The following ZPBP variants were observed in gnomAD, a reference collection of about 807,000 sequenced individuals.
ZPBP encodes the protein zona pellucida-binding protein 1.
In ZPBP, 26 loss-of-function variants were observed where a neutral mutation model predicts 44.8. That is an observed-to-expected ratio of 0.58 (90% confidence interval 0.43 to 0.81). The LOEUF (loss-of-function observed/expected upper bound fraction) is 0.81, where lower values mean the gene tolerates loss of function less well. Ranked by LOEUF, ZPBP falls within the 30% of genes least tolerant of loss-of-function variation. The pLI is 0.00. For missense variants in ZPBP, 409 were observed against 434.0 expected, an observed-to-expected ratio of 0.94 and a Z score of 0.51; for synonymous variants, 174 against 153.2, an observed-to-expected ratio of 1.14 and a Z score of -1.00.
intron 2 of ZPBP, among the ~76,000 whole-genome samples, chr7:49,880,188 G>C (rs1017118116): frequency 2.6e-5 from 4 of 152,118 alleles, no homozygotes; most frequent in Admixed American, 6.6e-5. Flanking sequence ...TTTTATCAGT[G>C]TCTTTTTTAC....
chr7:50,008,154 T>A (rs1002270071), intron 6 of ZPBP, among the ~76,000 whole-genome samples: 1 of 152,048 alleles, frequency 6.6e-6, no homozygotes, highest in Non-Finnish European at 1.5e-5. Flanking sequence ...ATAACAACAC[T>A]GCAATAAATG....
intron 2 of ZPBP, among the ~76,000 whole-genome samples, chr7:49,895,078 C>T (rs1270208659): frequency 3.3e-5 from 5 of 152,202 alleles, no homozygotes; most frequent in Admixed American, 3.3e-4. Context: ...TTATAAACAT[C>T]AGAAATGTAT....
intron 7 of ZPBP, among the ~76,000 whole-genome samples, chr7:49,982,209 A>ATT (rs369441808): frequency 3.6e-5 from 3 of 82,968 alleles, no homozygotes; most frequent in South Asian, 3.2e-4. Context: ...TATTATATAT[A>ATT]TATATAATGT....
intron 1 of ZPBP, among the ~76,000 whole-genome samples, chr7:49,931,577 T>C (rs942676004): frequency 6.6e-6 from 1 of 152,186 alleles, no homozygotes; most frequent in Non-Finnish European, 1.5e-5. Context: ...GGAAGAACCT[T>C]CTAAGCAGAA....
At chr7:49,978,074 G>T (rs572373629) in intron 7 of ZPBP, among the ~76,000 whole-genome samples, 3,453 of 119,170 alleles carry the variant, frequency 0.029, 60 homozygotes, top group Non-Finnish European at 0.042. Flanking sequence ...TTTGTTTTTG[G>T]TTTTTTGTTT....
chr7:49,976,178 ACATAAAG>A (rs1796507205), intron 7 of ZPBP, among the ~76,000 whole-genome samples: 1 of 152,202 alleles, frequency 6.6e-6, no homozygotes, highest in Non-Finnish European at 1.5e-5. Context: ...TATTTTAAGC[ACATAAAG>A]CATTATATAT....
At chr7:50,070,408 C>A (rs1801777409) in intron 3 of ZPBP, among the ~76,000 whole-genome samples, 1 of 152,192 alleles carries the variant, frequency 6.6e-6, no homozygotes, top group South Asian at 2.1e-4. Flanking sequence ...AGCCCCGTAC[C>A]TGGTTCTGCT....
At chr7:50,069,420 C>T (rs1332599179) in intron 3 of ZPBP, among the ~76,000 whole-genome samples, 5 of 152,262 alleles carry the variant, frequency 3.3e-5, no homozygotes, top group Middle Eastern at 3.4e-3. Flanking sequence ...GAGCTGCAAG[C>T]ATTTTACAAT....
At chr7:49,978,342 A>G (rs184424818) in intron 7 of ZPBP, among the ~76,000 whole-genome samples, 39 of 152,054 alleles carry the variant, frequency 2.6e-4, no homozygotes, top group African/African-American at 8.4e-4. Context: ...AATGTTGTAC[A>G]TTATAAGGAA....
At chr7:49,970,998 T>C (rs985365752) in intron 7 of ZPBP, among the ~76,000 whole-genome samples, 10 of 152,108 alleles carry the variant, frequency 6.6e-5, no homozygotes, top group Admixed American at 6.5e-5. Context: ...GAGCCACGAT[T>C]GTGTCACTGT....
Position 50,053,616 on chromosome 7 carries a change from T to C in ZPBP, c.487+4373A>G, listed in dbSNP as rs146655019. Among the ~76,000 whole-genome samples the C allele has an allele frequency of 9.8e-5, 15 of 152,306 alleles. 1 individual carries two copies. In the East Asian group the frequency reaches 1.7e-3, roughly 18 times the overall value. On this transcript the variant is annotated intron_variant, in intron 4 of 7. Transcript: ENST00000046087. ...CTTTTGAATTTTTGTTAATATATTA[T>C]AGAAGACAGATTATTCATTTGCCTA... is the stretch of plus-strand genomic sequence containing the variant.
intron 7 of ZPBP, among the ~76,000 whole-genome samples, chr7:49,979,203 C>G (rs942709386): frequency 6.6e-6 from 1 of 151,928 alleles, no homozygotes; most frequent in Non-Finnish European, 1.5e-5. Flanking sequence ...AAACACAAGT[C>G]TCACCGAGAA....
At chr7:49,903,965 A>C (rs1397224775) in intron 1 of ZPBP, among the ~76,000 whole-genome samples, 1 of 152,206 alleles carries the variant, frequency 6.6e-6, no homozygotes, top group Non-Finnish European at 1.5e-5. Flanking sequence ...TGGTTGGATC[A>C]GATGTGACAT....
intron 6 of ZPBP, among the ~76,000 whole-genome samples, chr7:49,995,862 G>A (rs1797808666): frequency 6.6e-6 from 1 of 152,144 alleles, no homozygotes; most frequent in African/African-American, 2.4e-5. Flanking sequence ...TTACCAGAAG[G>A]TGGGAAGAGG....
chr7:49,969,833 AG>A (rs1424400560), intron 7 of ZPBP, among the ~76,000 whole-genome samples: 1 of 85,270 alleles, frequency 1.2e-5, no homozygotes. Flanking sequence ...AGAGAGAGAG[AG>A]AGAGAGAGAG....
intron 3 of ZPBP, among the ~76,000 whole-genome samples, chr7:50,074,650 C>T (rs1801997980): frequency 6.6e-6 from 1 of 151,132 alleles, no homozygotes; most frequent in African/African-American, 2.4e-5. Flanking sequence ...GGTTGCAAGA[C>T]AAAAACTATC....
At chr7:49,913,108 T>C (rs1793543571) in intron 1 of ZPBP, 1 of 152,206 alleles carries the variant, frequency 6.6e-6, no homozygotes. Flanking sequence ...ATAACTCAGC[T>C]GTCAGTTCAG....
chr7:49,877,481 A>AAAAAAATATACATATATATATATATATAT lies in ZPBP; in HGVS notation n.509+23636_509+23637insATATATATATATATATATGTATATTTTTT. 1.2e-3 allele frequency among the ~76,000 whole-genome samples: 15 copies of AAAAAAATATACATATATATATATATATAT among 12,724 alleles called. 5 individuals are homozygous for AAAAAAATATACATATATATATATATATAT. Among genetic ancestry groups the AAAAAAATATACATATATATATATATATAT allele is most frequent in the African/African-American group, 2.5e-3 (9 of 3,602 alleles). 8.3% of individuals were successfully genotyped at this position (12,724 alleles called of 152,430 possible). A position where few individuals can be genotyped will look rare whatever the true frequency, so the allele number is the denominator to read the frequency against. On this transcript the variant is annotated intron_variant and non_coding_transcript_variant, in intron 2 of 2. Transcript: ENST00000465922. ...CTGTCTCAAAAAAAAAAAAAAAAAA[A>AAAAAAATATACATATATATATATATATAT]ATATATATATATATATATATATATA...
intron 4 of ZPBP, among the ~76,000 whole-genome samples, chr7:50,054,805 A>T (rs1162493497): frequency 6.6e-6 from 1 of 152,174 alleles, no homozygotes; most frequent in Non-Finnish European, 1.5e-5. Context: ...CATTTGACAT[A>T]AAATTAATAT....
Sources: allele counts gnomAD v4.1 joint callset (sites outside exome capture counted in the v4.1 genomes callset), GRCh38; gene constraint gnomAD v4.1.1; transcripts MANE v1.5; gene names NCBI Gene and HGNC (gene_info 2026-07-23, HGNC 2026-07-21).